Variants in MROH7 observed in about 807,000 individuals in gnomAD.
The protein encoded by MROH7 is maestro heat like repeat family member 7.
A neutral mutation model predicts 129.2 loss-of-function variants in MROH7; 113 were observed. The observed-to-expected ratio is 0.87, with a 90% CI of 0.75 to 1.02. MROH7 has a LOEUF of 1.02. Ranked by LOEUF, MROH7 falls within the 50% of genes least tolerant of loss-of-function variation. The pLI is 0.00. For synonymous variants in MROH7, 655 were observed against 667.9 expected (o/e 0.98, Z 0.30); for missense variants, 1,601 against 1,671.3 (o/e 0.96, Z 0.73).
intron 10 of MROH7, among the ~76,000 whole-genome samples, 176 bp from the exon 11 acceptor site, chr1:54,678,566 A>AG (rs1387986561): frequency 1.3e-5 from 2 of 152,078 alleles, no homozygotes; most frequent in Non-Finnish European, 2.9e-5. Flanking sequence ...GGTGCACAAG[A>AG]GGGGCTTCTG....
chr1:54,704,793 CTTTTTTT>C (rs750428757), intron 21 of MROH7, among the ~76,000 whole-genome samples: 11 of 67,828 alleles, frequency 1.6e-4, no homozygotes, highest in African/African-American at 6.5e-5. Flanking sequence ...CAATGTAGCT[CTTTTTTT>C]TTTTTTTTTT....
intron 3 of MROH7, among the ~76,000 whole-genome samples, chr1:54,656,513 A>C (rs1644649838): frequency 6.9e-6 from 1 of 144,476 alleles, no homozygotes. Context: ...CCATCTCAAA[A>C]AAAAAAAAAA....
intron 7 of MROH7, among the ~76,000 whole-genome samples, chr1:54,672,535 C>T (rs1644917956): frequency 6.6e-6 from 1 of 151,948 alleles, no homozygotes; most frequent in Non-Finnish European, 1.5e-5. Flanking sequence ...GAGATGGCTT[C>T]CTTAAGGGGC....
intron 17 of MROH7, chr1:54,699,393 C>T (rs1645395109): frequency 6.6e-6 from 1 of 151,786 alleles, no homozygotes; most frequent in African/African-American, 2.4e-5. Context: ...AACCTCCACA[C>T]CCTAGATTCA....
rs145925628 is a variant in MROH7 at position 54,643,025 on chromosome 1, G to A, written c.-110+1057G>A. 2.7e-3 allele frequency among the ~76,000 whole-genome samples: 411 copies of A among 152,264 alleles called. 3 individuals carry two copies. Among genetic ancestry groups the A allele is most frequent in the African/African-American group, 9.3e-3 (387 of 41,552 alleles). On this transcript the variant is annotated intron_variant, in intron 1 of 23. Transcript: ENST00000421030. The stretch of plus-strand genomic sequence containing the variant: ...CATTCATTCATCCTTCCCTCACTCC[G>A]TGAATGTTTTCTGAACCTTCCCTGT...
chr1:54,670,425 C>CG, intron 5 of MROH7, 72 bp from the exon 6 acceptor site: 2 of 1,349,132 alleles, frequency 1.5e-6, no homozygotes, highest in Non-Finnish European at 2.1e-6. Flanking sequence ...CTCCTTGTGA[C>CG]GGGGGCAGCC....
Position 54,668,857 on chromosome 1 carries a change from G to A in MROH7, c.1309G>A (p.Glu437Lys), listed in dbSNP as rs1296394701. 6 of 1,613,686 alleles carry A rather than the reference G, an allele frequency of 3.7e-6. No individual in the cohort carries two copies. Among genetic ancestry groups the A allele is most frequent in the Non-Finnish European group, 5.1e-6 (6 of 1,179,646 alleles). The change falls in exon 5 of 24, where the codon GAG becomes AAG. Residue 437 changes from glutamate (E) to lysine (K), a missense_variant. Glu to Lys is a moderately conservative substitution (Grantham distance 56, BLOSUM62 1). Transcript: ENST00000421030. ...TEGGNNMALVENVTTLQKSQD... is the reference protein window; with the variant it reads ...TEGGNNMALVKNVTTLQKSQD... Reference sequence around the variant, plus strand: ...TTTGCCCTCTGCTGTCCCCTAGGTTGAGAATGTCACCACCCTTCAGAAGAG... The same window carrying A: ...TTTGCCCTCTGCTGTCCCCTAGGTTAAGAATGTCACCACCCTTCAGAAGAG...
chr1:54,644,245 G>C (rs1644429169), intron 1 of MROH7, among the ~76,000 whole-genome samples: 1 of 150,616 alleles, frequency 6.6e-6, no homozygotes, highest in Admixed American at 6.6e-5. Context: ...TGGGGGGTGG[G>C]GAGGGGGGTC....
chr1:54,675,246 G>A lies in MROH7; in HGVS notation c.1936+1095G>A, dbSNP rs576200832. Among the ~76,000 whole-genome samples, 10 of 152,318 alleles carry A rather than the reference G, an allele frequency of 6.6e-5. No homozygotes were observed. The East Asian group carries it at 1.9e-3, about 29-fold the overall frequency. ...CTGCCTCAGCCTCTTAAAGTGCTGG[G>A]ATTATAGGCAGGAGCCACCATGCCT... On this transcript the variant is annotated intron_variant, in intron 10 of 23. Transcript: ENST00000421030.
intron 12 of MROH7, 63 bp from the exon 13 acceptor site, chr1:54,679,828 C>T: frequency 1.3e-6 from 2 of 1,520,114 alleles, no homozygotes; most frequent in East Asian, 2.3e-5. Flanking sequence ...CTCCCACCTT[C>T]CTGCTGCCCC....
intron 3 of MROH7, among the ~76,000 whole-genome samples, chr1:54,656,762 G>A (rs977017888): frequency 1.2e-4 from 18 of 152,174 alleles, no homozygotes; most frequent in African/African-American, 4.1e-4. Flanking sequence ...AGTAAGCCAA[G>A]ATCGTGCCAC....
At chr1:54,681,774 T>G (rs1243561270) in intron 13 of MROH7, among the ~76,000 whole-genome samples, 1 of 152,176 alleles carries the variant, frequency 6.6e-6, no homozygotes, top group Admixed American at 6.5e-5. Flanking sequence ...ATGTGACAAG[T>G]GCAGGATCCT....
intron 21 of MROH7, among the ~76,000 whole-genome samples, chr1:54,704,793 C>CTTT (rs750428757): frequency 0.02 from 1,382 of 67,750 alleles, 163 homozygotes; most frequent in East Asian, 0.088. Context: ...CAATGTAGCT[C>CTTT]TTTTTTTTTT....
intron 1 of MROH7, among the ~76,000 whole-genome samples, chr1:54,642,474 G>T (rs533640072): frequency 6.6e-6 from 1 of 152,314 alleles, no homozygotes; most frequent in South Asian, 2.1e-4. Context: ...CAGAGGGAAT[G>T]GGGAATAAGA....
intron 3 of MROH7, among the ~76,000 whole-genome samples, chr1:54,658,548 T>C (rs34141995): frequency 0.033 from 5,038 of 152,266 alleles, 128 homozygotes; most frequent in South Asian, 0.1. Context: ...TAAAAACTTT[T>C]TTGGGGTATA....
intron 3 of MROH7, among the ~76,000 whole-genome samples, chr1:54,658,735 CT>C (rs1644685919): frequency 6.6e-6 from 1 of 152,116 alleles, no homozygotes; most frequent in Non-Finnish European, 1.5e-5. Context: ...GATTTCTCAA[CT>C]TTGGCACTAT....
intron 15 of MROH7, among the ~76,000 whole-genome samples, chr1:54,686,986 C>T (rs1645158170): frequency 6.6e-6 from 1 of 152,144 alleles, no homozygotes; most frequent in Non-Finnish European, 1.5e-5. Context: ...CACTGCTACA[C>T]ATTTTTTGCC....
Position 54,674,145 on chromosome 1 carries a change from CA to C in MROH7, c.1935del (p.Lys645AsnfsTer28), listed in dbSNP as rs1446614517. ...IIILYTILEL[Q>X]KRARDKEETN... ...CATCCTCTACACTATTCTGGAGCTC[CA>C]AAAACGTAAGCCCTATCGGAGTACT... On this transcript the variant is annotated frameshift_variant, in exon 10 of 24. Transcript: ENST00000421030. LOFTEE classifies it high-confidence loss of function. 6.2e-7 allele frequency: 1 copy of C among 1,612,720 alleles called. No individual in the cohort carries two copies. The highest frequency in any genetic ancestry group is 1.1e-5 in the South Asian group (1 of 90,698).
At chr1:54,691,661 C>G (rs1645238173) in intron 15 of MROH7, among the ~76,000 whole-genome samples, 1 of 151,966 alleles carries the variant, frequency 6.6e-6, no homozygotes, top group African/African-American at 2.4e-5. Context: ...CAAAAATTAG[C>G]CGGGTGTGGT....
Sources: allele counts gnomAD v4.1 joint callset (sites outside exome capture counted in the v4.1 genomes callset), GRCh38; gene constraint gnomAD v4.1.1; transcripts MANE v1.5; gene names NCBI Gene and HGNC (gene_info 2026-07-23, HGNC 2026-07-21).